The following NDRG3 variants were observed in gnomAD, a reference collection of about 807,000 sequenced individuals.
NDRG3 encodes the protein protein NDRG3.
In NDRG3, 23 loss-of-function variants were observed where a neutral mutation model predicts 57.2. That is an observed-to-expected ratio of 0.40 (90% CI 0.29 to 0.57). The LOEUF (loss-of-function observed/expected upper bound fraction) is 0.57, where lower values mean the gene tolerates loss of function less well. NDRG3 is among the 20% of genes least tolerant of loss of function. The pLI is 0.42. For synonymous variants in NDRG3, 132 were observed against 162.6 expected (o/e 0.81, Z 1.43); for missense variants, 384 against 457.3 (o/e 0.84, Z 1.46).
chr20:36,718,607 T>C (rs890955641), intron 2 of NDRG3, among the ~76,000 whole-genome samples: 2 of 152,176 alleles, frequency 1.3e-5, no homozygotes, highest in Non-Finnish European at 2.9e-5. Flanking sequence ...AATCTCTTCC[T>C]GGTTTGTGGA....
chr20:36,672,793 C>T (rs1980288846), intron 8 of NDRG3, among the ~76,000 whole-genome samples: 1 of 151,336 alleles, frequency 6.6e-6, no homozygotes, highest in African/African-American at 2.4e-5. Flanking sequence ...CATGCCACTG[C>T]ACTCCGCCCT....
chr20:36,667,268 T>A (rs1979715269), intron 9 of NDRG3, among the ~76,000 whole-genome samples: 1 of 152,174 alleles, frequency 6.6e-6, no homozygotes, highest in African/African-American at 2.4e-5. Flanking sequence ...TATTTTAATC[T>A]TTTAAATTTT....
At chr20:36,683,445 C>G (rs1474360903) in intron 6 of NDRG3, among the ~76,000 whole-genome samples, 2 of 151,714 alleles carry the variant, frequency 1.3e-5, no homozygotes, top group South Asian at 4.2e-4. Context: ...GAAACCCCGT[C>G]TCTACTAAAA....
At chr20:36,745,752 G>T (rs1986157921) in intron 1 of NDRG3, among the ~76,000 whole-genome samples, 1 of 152,210 alleles carries the variant, frequency 6.6e-6, no homozygotes. Context: ...CCTGCGGGGG[G>T]CGTCCCTGTG....
At chr20:36,682,909 A>G (rs2148101986) in intron 6 of NDRG3, among the ~76,000 whole-genome samples, 1 of 150,570 alleles carries the variant, frequency 6.6e-6, no homozygotes, top group Non-Finnish European at 1.5e-5. Context: ...CTACTAAAAT[A>G]CAAAAAATTA....
chr20:36,695,027 C>T (rs1224520212), intron 3 of NDRG3, among the ~76,000 whole-genome samples: 1 of 152,164 alleles, frequency 6.6e-6, no homozygotes, highest in Non-Finnish European at 1.5e-5. Flanking sequence ...GATAGAAGAA[C>T]ATAAATTGTG....
At chr20:36,662,200 G>A (rs1440598607) in intron 12 of NDRG3, among the ~76,000 whole-genome samples, 1 of 151,370 alleles carries the variant, frequency 6.6e-6, no homozygotes, top group African/African-American at 2.4e-5. Context: ...ATACCTAGTA[G>A]AACAACCACA....
intron 8 of NDRG3, among the ~76,000 whole-genome samples, chr20:36,676,099 GCT>G (rs1980678176): frequency 3.3e-5 from 5 of 151,968 alleles, no homozygotes; most frequent in African/African-American, 1.2e-4. Flanking sequence ...AATTAGCCGG[GCT>G]TGGTGGCGGG....
At chr20:36,686,742 AC>A (rs1981816056) in intron 5 of NDRG3, among the ~76,000 whole-genome samples, 2 of 152,216 alleles carry the variant, frequency 1.3e-5, no homozygotes, top group Admixed American at 1.3e-4. Flanking sequence ...ATAAACAGTT[AC>A]ACAGATAGTC....
intron 1 of NDRG3, among the ~76,000 whole-genome samples, chr20:36,739,230 C>T (rs1449409624): frequency 6.9e-6 from 1 of 145,508 alleles, no homozygotes; most frequent in Middle Eastern, 3.9e-3. Flanking sequence ...TGGCGGATCA[C>T]GAGGTCAGGA....
intron 9 of NDRG3, among the ~76,000 whole-genome samples, chr20:36,666,967 G>T (rs1979687468): frequency 6.6e-6 from 1 of 152,080 alleles, no homozygotes; most frequent in Admixed American, 6.6e-5. Flanking sequence ...CTGAATAGCT[G>T]GGATTAGAGA....
chr20:36,728,593 T>C (rs1210970402), intron 1 of NDRG3, among the ~76,000 whole-genome samples: 1 of 152,208 alleles, frequency 6.6e-6, no homozygotes, highest in African/African-American at 2.4e-5. Flanking sequence ...GATTGGGGTT[T>C]TGGAGCATTT....
intron 3 of NDRG3, among the ~76,000 whole-genome samples, chr20:36,702,223 G>A (rs987635175): frequency 1.3e-5 from 2 of 151,710 alleles, no homozygotes; most frequent in African/African-American, 2.4e-5. Context: ...TGCAAGCTCC[G>A]CCTCCTGGGT....
At position 36,721,713 on chromosome 20, in the gene NDRG3, T is replaced by G; in HGVS notation, c.23A>C (p.Gln8Pro). The G allele has an allele frequency of 6.2e-7, 1 of 1,611,356 alleles. No individual in the cohort carries two copies. The highest frequency in any genetic ancestry group is 8.5e-7 in the Non-Finnish European group (1 of 1,177,790). MDELQDVQLTEIKPLLND... is the reference protein window; with the variant it reads MDELQDVPLTEIKPLLND... Reference sequence around the variant, plus strand: ...TAGAAGTGGTTTGATCTCTGTGAGCTGAACATCCTGAAGTTCATCCATGAG... The same window carrying G: ...TAGAAGTGGTTTGATCTCTGTGAGCGGAACATCCTGAAGTTCATCCATGAG... Residue 8 changes from glutamine (Q) to proline (P), a missense_variant, in exon 2 of 16, where the codon CAG becomes CCG. Physicochemically the swap from Gln to Pro is moderately conservative, Grantham distance 76. Coordinates refer to ENST00000349004, the MANE Select transcript of NDRG3 (RefSeq NM_032013.4).
intron 3 of NDRG3, 68 bp downstream of exon 3, chr20:36,706,904 C>T: frequency 7.3e-7 from 1 of 1,367,488 alleles, no homozygotes; most frequent in Non-Finnish European, 1.0e-6. Flanking sequence ...TACAAGACCA[C>T]CACCACAGGA....
chr20:36,670,648 C>T (rs866010040), intron 9 of NDRG3, among the ~76,000 whole-genome samples: 1 of 152,246 alleles, frequency 6.6e-6, no homozygotes, highest in South Asian at 2.1e-4. Context: ...AATCAGTACT[C>T]GATAAATGCT....
At chr20:36,716,349 A>G (rs912353662) in intron 2 of NDRG3, among the ~76,000 whole-genome samples, 1 of 152,104 alleles carries the variant, frequency 6.6e-6, no homozygotes, top group Admixed American at 6.6e-5. Context: ...CCTGGCCAAC[A>G]TGGCAAAACC....
intron 1 of NDRG3, among the ~76,000 whole-genome samples, chr20:36,737,226 A>C (rs1226551613): frequency 6.6e-6 from 1 of 152,144 alleles, no homozygotes; most frequent in East Asian, 1.9e-4. Context: ...GTTTTAACAC[A>C]GGAGTCATAC....
At chr20:36,744,290 T>C (rs1208883146) in intron 1 of NDRG3, among the ~76,000 whole-genome samples, 1 of 151,902 alleles carries the variant, frequency 6.6e-6, no homozygotes, top group Non-Finnish European at 1.5e-5. Flanking sequence ...TAAATGGTGA[T>C]GACAAGTTTA....
Sources: allele counts gnomAD v4.1 joint callset (sites outside exome capture counted in the v4.1 genomes callset), GRCh38; gene constraint gnomAD v4.1.1; transcripts MANE v1.5; gene names NCBI Gene and HGNC (gene_info 2026-07-23, HGNC 2026-07-21).